Variants in LYRM4 observed in about 807,000 individuals in gnomAD.
The protein encoded by LYRM4 is LYR motif-containing protein 4.
In LYRM4, 9 loss-of-function variants were observed where a neutral mutation model predicts 11.7. The observed-to-expected ratio is 0.77, with a 90% CI of 0.46 to 1.34. The LOEUF is 1.34. Among genes scored for constraint, LYRM4 ranks in the 40% most tolerant of loss-of-function variants. LYRM4 has a pLI of 0.00. For missense variants in LYRM4, 133 were observed against 112.5 expected, an observed-to-expected ratio of 1.18 and a Z score of -0.82; for synonymous variants, 42 against 40.4, an observed-to-expected ratio of 1.04 and a Z score of -0.15.
intron 2 of LYRM4, among the ~76,000 whole-genome samples, chr6:5,168,594 C>G (rs574013806): frequency 2.6e-4 from 39 of 152,198 alleles, no homozygotes; most frequent in African/African-American, 7.7e-4. Flanking sequence ...GGAGATAAAA[C>G]AAACATGATA....
intron 1 of LYRM4, among the ~76,000 whole-genome samples, chr6:5,229,243 G>A (rs578041984): frequency 1.3e-5 from 2 of 152,198 alleles, no homozygotes; most frequent in African/African-American, 4.8e-5. Flanking sequence ...AGTTTGAGAA[G>A]AGCCTCGTTT....
intron 2 of LYRM4, among the ~76,000 whole-genome samples, chr6:5,133,604 A>G (rs1764055433): frequency 6.6e-6 from 1 of 152,246 alleles, no homozygotes; most frequent in Admixed American, 6.5e-5. Flanking sequence ...ATTATAAAAA[A>G]TTGTGGTAAA....
At chr6:5,213,410 A>C (rs1204135601) in intron 2 of LYRM4, among the ~76,000 whole-genome samples, 1 of 152,218 alleles carries the variant, frequency 6.6e-6, no homozygotes, top group Non-Finnish European at 1.5e-5. Flanking sequence ...AAGCAGGGTG[A>C]GCAGGTAAGT....
intron 2 of LYRM4, chr6:5,138,636 G>A (rs751606791): frequency 2.1e-5 from 23 of 1,092,708 alleles, no homozygotes; most frequent in Non-Finnish European, 2.9e-5. Flanking sequence ...TATGACATCT[G>A]TATATTAAGG....
chr6:5,251,746 A>G (rs1424934209), intron 1 of LYRM4, among the ~76,000 whole-genome samples: 1 of 152,214 alleles, frequency 6.6e-6, no homozygotes, highest in Non-Finnish European at 1.5e-5. Flanking sequence ...GTATCATTGC[A>G]TGCTAGCCTT....
intron 2 of LYRM4, among the ~76,000 whole-genome samples, chr6:5,167,790 T>C (rs553342873): frequency 3.3e-5 from 5 of 152,318 alleles, no homozygotes; most frequent in African/African-American, 1.2e-4. Context: ...GAGAAATACA[T>C]TGCATTTTTT....
the LYRM4 span, among the ~76,000 whole-genome samples, chr6:5,084,012 G>A: frequency 4.7e-4 from 72 of 152,328 alleles, 1 homozygote; most frequent in South Asian, 0.014. Context: ...GGGGGCGCCT[G>A]TAATCCCAGC....
the LYRM4 span, among the ~76,000 whole-genome samples, chr6:5,084,413 T>C: frequency 1.3e-5 from 2 of 152,030 alleles, no homozygotes; most frequent in Non-Finnish European, 2.9e-5. Flanking sequence ...GGGAGGGTGC[T>C]TGGGGCGCTG....
At chr6:5,069,678 A>C in the LYRM4 span, among the ~76,000 whole-genome samples, 24 of 152,230 alleles carry the variant, frequency 1.6e-4, no homozygotes, top group African/African-American at 5.8e-4. Context: ...ACATGGTTTC[A>C]CCATGTTGGC....
chr6:5,145,486 C>T (rs79671485), intron 2 of LYRM4, among the ~76,000 whole-genome samples: 5,574 of 152,280 alleles, frequency 0.037, 122 homozygotes, highest in Middle Eastern at 0.088. Flanking sequence ...GGAGTCAACG[C>T]TCTTCATCAC....
At chr6:5,101,968 C>CTTTTTTT (rs397826404), downstream of LYRM4, among the ~76,000 whole-genome samples, 1,087 of 67,926 alleles carry the variant, frequency 0.016, 124 homozygotes, top group Admixed American at 0.02. Flanking sequence ...CTAATGCTTT[C>CTTTTTTT]TTTTTTTTTT....
chr6:5,074,578 A>G, the LYRM4 span, among the ~76,000 whole-genome samples: 3 of 151,716 alleles, frequency 2.0e-5, no homozygotes, highest in Non-Finnish European at 4.4e-5. Flanking sequence ...GGGTTGTGGC[A>G]ATTTCATGAT....
chr6:5,175,360 T>G (rs889268890), intron 2 of LYRM4, among the ~76,000 whole-genome samples: 16 of 152,184 alleles, frequency 1.1e-4, no homozygotes, highest in Non-Finnish European at 4.4e-5. Flanking sequence ...CGTAGAGGCC[T>G]TCTAGTCAGC....
At chr6:5,036,092 T>TGTTAA in the LYRM4 span, among the ~76,000 whole-genome samples, 9,569 of 151,872 alleles carry the variant, frequency 0.063, 986 homozygotes, top group African/African-American at 0.21. Context: ...AAAATTAACA[T>TGTTAA]GTTAAGAGCA....
downstream of LYRM4, chr6:5,104,120 T>C (rs1762589420): frequency 6.6e-6 from 1 of 152,614 alleles, no homozygotes; most frequent in East Asian, 1.9e-4. Context: ...AAACTTTTAA[T>C]GTTAATCTCA....
chr6:5,060,720 G>A, the LYRM4 span, among the ~76,000 whole-genome samples: 19 of 152,144 alleles, frequency 1.2e-4, no homozygotes, highest in African/African-American at 4.6e-4. Flanking sequence ...TAGACACGGA[G>A]TTTCACTGTG....
chr6:5,260,008 AG>A (rs2127789028), intron 1 of LYRM4, among the ~76,000 whole-genome samples: 1 of 152,320 alleles, frequency 6.6e-6, no homozygotes, highest in South Asian at 2.1e-4. Flanking sequence ...ATGTGAGTTT[AG>A]GCCCTCAATA....
intron 2 of LYRM4, among the ~76,000 whole-genome samples, chr6:5,202,145 C>T (rs1202358087): frequency 6.6e-6 from 1 of 152,236 alleles, no homozygotes; most frequent in African/African-American, 2.4e-5. Context: ...TTACACTTTG[C>T]AATTCTAAAT....
intron 1 of LYRM4, among the ~76,000 whole-genome samples, chr6:5,241,816 A>G (rs1425548076): frequency 6.6e-6 from 1 of 152,070 alleles, no homozygotes; most frequent in African/African-American, 2.4e-5. Context: ...CACAAGGATT[A>G]GAGACAGGAA....
Sources: gnomAD v4.1 joint callset for allele counts (sites outside exome capture counted in the v4.1 genomes callset) on GRCh38, gnomAD v4.1.1 for gene constraint, MANE v1.5 for transcripts, NCBI Gene and HGNC (gene_info 2026-07-23, HGNC 2026-07-21) for gene names.